The following GPR137B variants were observed in gnomAD, a reference collection of about 807,000 sequenced individuals.
GPR137B encodes the protein integral membrane protein GPR137B.
GPR137B carries 42 observed loss-of-function variants against 42.5 expected under a neutral mutation model. The ratio of observed to expected loss-of-function variants is 0.99; its 90% confidence interval spans 0.77 to 1.28. The LOEUF (loss-of-function observed/expected upper bound fraction) is 1.28. Among genes scored for constraint, GPR137B ranks in the 50% most tolerant of loss-of-function variants. The pLI, the probability that GPR137B is intolerant of heterozygous loss-of-function variation, is 0.00. For synonymous variants in GPR137B, 218 were observed against 209.7 expected (o/e 1.04, Z -0.34); for missense variants, 487 against 493.9 (o/e 0.99, Z 0.13).
At chr1:236,204,560 C>T (rs75179130) in intron 5 of GPR137B, among the ~76,000 whole-genome samples, 3,388 of 152,116 alleles carry the variant, frequency 0.022, 134 homozygotes, top group African/African-American at 0.078. Flanking sequence ...TTTATTATGG[C>T]TTTGATCTCT....
intron 1 of GPR137B, among the ~76,000 whole-genome samples, chr1:236,145,546 A>G (rs1277123848): frequency 6.6e-6 from 1 of 152,154 alleles, no homozygotes; most frequent in East Asian, 1.9e-4. Flanking sequence ...TTTAGTAGAG[A>G]CAGTGTTTCA....
intron 5 of GPR137B, among the ~76,000 whole-genome samples, 185 bp downstream of exon 5, chr1:236,184,091 G>A (rs1188898986): frequency 6.6e-6 from 1 of 152,140 alleles, no homozygotes; most frequent in Non-Finnish European, 1.5e-5. Context: ...ATGGTTTTCA[G>A]CTTAGTTTTA....
Position 236,143,027 on chromosome 1 carries a change from C to T in GPR137B, c.405C>T (p.Tyr135=). Reference sequence around the variant, plus strand: ...TCACCCTCACGCTGATGAACTTGTACTTCACGCAGGTGAGTTTCAGAGAGG... The same window carrying T: ...TCACCCTCACGCTGATGAACTTGTATTTCACGCAGGTGAGTTTCAGAGAGG... ...QFFTLTLMNL[Y]FTQVIFKAKS... Residue 135 remains tyrosine (Y), a synonymous_variant, in exon 1 of 7, where the codon TAC becomes TAT. Transcript: ENST00000366592. 1 of 1,610,892 alleles carries T rather than the reference C, an allele frequency of 6.2e-7. No individual in the cohort carries two copies. Among genetic ancestry groups the T allele is most frequent in the African/African-American group, 1.3e-5 (1 of 74,974 alleles).
At position 236,205,159 on chromosome 1, in the gene GPR137B, A is replaced by G. The variant is rs1663618220; in HGVS notation, c.1000A>G (p.Ser334Gly). The G allele has an allele frequency of 6.2e-7, 1 of 1,613,060 alleles. No homozygotes were observed. The highest frequency in any genetic ancestry group is 8.5e-7 in the Non-Finnish European group (1 of 1,179,052). The change falls in exon 6 of 7, where the codon AGT becomes GGT. Residue 334 changes from serine to glycine, a missense_variant. Transcript: ENST00000366592. ...NPGMVPSHGF[S>G]PRSYFFDNPR... Reference sequence around the variant, plus strand: ...TGGAATGGTCCCCAGCCATGGATTCAGTCCCAGATCTTATTTCTTTGACAA... The same window carrying G: ...TGGAATGGTCCCCAGCCATGGATTCGGTCCCAGATCTTATTTCTTTGACAA...
chr1:236,184,601 G>C (rs145112351), intron 5 of GPR137B, among the ~76,000 whole-genome samples: 1 of 152,276 alleles, frequency 6.6e-6, no homozygotes, highest in East Asian at 1.9e-4. Context: ...CAAAGAGCGG[G>C]TGGTGAAGAA....
At chr1:236,145,427 C>T (rs751211510) in intron 1 of GPR137B, among the ~76,000 whole-genome samples, 2 of 152,212 alleles carry the variant, frequency 1.3e-5, no homozygotes, top group Non-Finnish European at 2.9e-5. Context: ...CTTTCGATCT[C>T]GGCTCACTGC....
chr1:236,175,076 C>G (rs944122006), intron 2 of GPR137B, among the ~76,000 whole-genome samples: 1 of 151,660 alleles, frequency 6.6e-6, no homozygotes, highest in Admixed American at 6.6e-5. Flanking sequence ...GCTGTAATCC[C>G]AGCACTTTGG....
intron 2 of GPR137B, among the ~76,000 whole-genome samples, chr1:236,172,448 C>G (rs1320445401): frequency 2.0e-5 from 3 of 152,202 alleles, no homozygotes; most frequent in Non-Finnish European, 4.4e-5. Flanking sequence ...TTTAACTCAG[C>G]CAAGAACCAC....
chr1:236,186,235 A>AAT (rs1663016387), intron 5 of GPR137B, among the ~76,000 whole-genome samples: 1 of 25,858 alleles, frequency 3.9e-5, no homozygotes, highest in African/African-American at 9.7e-5. Context: ...TATAATATAT[A>AAT]ATAATATAAA....
At chr1:236,175,795 G>A (rs998405555) in intron 2 of GPR137B, among the ~76,000 whole-genome samples, 2 of 152,148 alleles carry the variant, frequency 1.3e-5, no homozygotes, top group African/African-American at 4.8e-5. Context: ...TCAAGAGACT[G>A]ACACGGAACA....
Position 236,183,803 on chromosome 1 carries a change from A to G in GPR137B, c.863A>G (p.Asp288Gly), listed in dbSNP as rs368846995. The change falls in exon 5 of 7, where the codon GAT (aspartate) becomes GGT (glycine). Residue 288 changes from aspartate (D) to glycine (G), a missense_variant. Coordinates refer to ENST00000366592, the MANE Select transcript of GPR137B (RefSeq NM_003272.4). ...GCAGATTTGAAGAATCAGCTGGGAG[A>G]TGCTGGATACGTATTATTTGGAGTG... The part of the protein sequence containing the change: ...DQADLKNQLG[D>G]AGYVLFGVVL... 46 of 1,606,976 alleles carry G rather than the reference A, an allele frequency of 2.9e-5. No individual in the cohort carries two copies. In the South Asian group the frequency reaches 4.4e-4, roughly 15 times the overall value.
chr1:236,164,175 C>T (rs1156274405), intron 1 of GPR137B, among the ~76,000 whole-genome samples: 1 of 152,226 alleles, frequency 6.6e-6, no homozygotes, highest in African/African-American at 2.4e-5. Flanking sequence ...GCTTCTCCTC[C>T]TTTTTACAAT....
intron 5 of GPR137B, among the ~76,000 whole-genome samples, chr1:236,184,626 A>G (rs1160942771): frequency 1.3e-5 from 2 of 152,178 alleles, no homozygotes; most frequent in Non-Finnish European, 2.9e-5. Context: ...TAGATGAGTA[A>G]TGTCCTCCAA....
rs1325917904 is a variant in GPR137B at position 236,156,457 on chromosome 1, G to A, written c.415-12249G>A. Among the ~76,000 whole-genome samples the A allele has an allele frequency of 1.3e-5, 2 of 152,180 alleles. No homozygotes were observed. The highest frequency in any genetic ancestry group is 2.9e-5 in the Non-Finnish European group (2 of 68,030). ...CCACGGACACAGGACTATGAGTGGG[G>A]CTGTGGTGGTGGTTATCCAGGTCCT... On this transcript the variant is annotated intron_variant, in intron 1 of 6. Transcript: ENST00000366592. This position sits in a 1 kb window ranked among gnomAD's most constrained non-coding sequence, Gnocchi z 4.8.
At position 236,208,238 on chromosome 1, in the gene GPR137B, C is replaced by A; in HGVS notation, c.*80C>A. On this transcript the variant is annotated 3_prime_UTR_variant, in exon 7 of 7. Transcript: ENST00000366592. ...TAGTGACAGCTGAATTTTTAGGGCA[C>A]TTTTCCTTAAGAAATAGAACTTGAT... 6.4e-7 allele frequency: 1 copy of A among 1,552,364 alleles called. No homozygotes were observed. Among genetic ancestry groups the A allele is most frequent in the Non-Finnish European group, 8.7e-7 (1 of 1,152,716 alleles).
chr1:236,207,037 TAA>T, intron 6 of GPR137B: 1 of 511,204 alleles, frequency 2.0e-6, no homozygotes, highest in Non-Finnish European at 2.5e-6. Flanking sequence ...GATGAAATGA[TAA>T]AAAATATATG....
At chr1:236,165,346 T>G (rs1004830931) in intron 1 of GPR137B, among the ~76,000 whole-genome samples, 5 of 152,222 alleles carry the variant, frequency 3.3e-5, no homozygotes, top group Admixed American at 1.3e-4. Context: ...AGATTGTGCC[T>G]TGATATGTGA....
At chr1:236,145,472 C>T (rs1661657354) in intron 1 of GPR137B, among the ~76,000 whole-genome samples, 1 of 152,182 alleles carries the variant, frequency 6.6e-6, no homozygotes, top group South Asian at 2.1e-4. Context: ...GATTCTCCTA[C>T]CTCAGCCTCC....
intron 4 of GPR137B, 105 bp downstream of exon 4, chr1:236,180,133 C>A: frequency 1.2e-6 from 1 of 847,604 alleles, no homozygotes; most frequent in Non-Finnish European, 2.0e-6. Context: ...ATGCTCAAGT[C>A]CCTGATATAA....
Sources: allele counts gnomAD v4.1 joint callset (sites outside exome capture counted in the v4.1 genomes callset), GRCh38; gene constraint gnomAD v4.1.1; non-coding constraint Gnocchi (gnomAD v3.1); transcripts MANE v1.5; gene names NCBI Gene and HGNC (gene_info 2026-07-23, HGNC 2026-07-21).